The following TBL1XR1 variants were observed in gnomAD, a reference collection of about 807,000 sequenced individuals.
The protein encoded by TBL1XR1 is F-box-like/WD repeat-containing protein TBL1XR1.
TBL1XR1 carries 5 observed loss-of-function variants against 66.9 expected under a neutral mutation model. The ratio of observed to expected loss-of-function variants is 0.07; its 90% CI spans 0.04 to 0.16. TBL1XR1 has a LOEUF of 0.16. TBL1XR1 is among the 10% of genes least tolerant of loss of function. The probability of loss-of-function intolerance (pLI) is 1.00; values close to 1 mark genes in which losing one functional copy is unlikely to be tolerated. For synonymous variants in TBL1XR1, 210 were observed against 206.0 expected, an observed-to-expected ratio of 1.02 and a Z score of -0.17; for missense variants, 238 against 623.2, an observed-to-expected ratio of 0.38 and a Z score of 6.58.
chr3:177,060,689 C>A (rs1036571683), intron 3 of TBL1XR1, among the ~76,000 whole-genome samples: 1 of 152,128 alleles, frequency 6.6e-6, no homozygotes, highest in Non-Finnish European at 1.5e-5. Flanking sequence ...TCAATGGTGA[C>A]GCAAAAGGTG....
At chr3:177,074,926 T>G (rs1720500074) in intron 2 of TBL1XR1, among the ~76,000 whole-genome samples, 1 of 152,208 alleles carries the variant, frequency 6.6e-6, no homozygotes. Flanking sequence ...TAGGAATTTG[T>G]GGTTTATCCA....
At chr3:177,089,128 A>C (rs1373771721) in intron 2 of TBL1XR1, among the ~76,000 whole-genome samples, 1 of 152,208 alleles carries the variant, frequency 6.6e-6, no homozygotes, top group Non-Finnish European at 1.5e-5. Context: ...TTCTGAGAGA[A>C]GATATGTTAA....
chr3:177,061,699 G>C (rs1718532863), intron 3 of TBL1XR1, among the ~76,000 whole-genome samples: 2 of 152,128 alleles, frequency 1.3e-5, no homozygotes, highest in African/African-American at 2.4e-5. Context: ...TATTACTTTA[G>C]ATCTTTCAAG....
intron 2 of TBL1XR1, among the ~76,000 whole-genome samples, chr3:177,074,990 C>G (rs1720509326): frequency 6.6e-6 from 1 of 152,292 alleles, no homozygotes; most frequent in African/African-American, 2.4e-5. Flanking sequence ...CCAAAGACCA[C>G]AAAGTACTCT....
intron 2 of TBL1XR1, among the ~76,000 whole-genome samples, chr3:177,097,128 T>G (rs573673386): frequency 6.6e-6 from 1 of 152,340 alleles, no homozygotes; most frequent in East Asian, 1.9e-4. Context: ...TCTTAACCAC[T>G]TATTCTGGTT....
chr3:177,112,090 TATATA>T (rs1725661806), intron 1 of TBL1XR1, among the ~76,000 whole-genome samples: 2 of 52,386 alleles, frequency 3.8e-5, no homozygotes, highest in Non-Finnish European at 3.3e-5. Context: ...TATATATATA[TATATA>T]TATATATATA....
chr3:177,115,605 C>T (rs1042423151), intron 1 of TBL1XR1, among the ~76,000 whole-genome samples: 2 of 151,912 alleles, frequency 1.3e-5, no homozygotes, highest in Admixed American at 1.3e-4. Flanking sequence ...TCACACTATC[C>T]GTACGCCTCA....
intron 10 of TBL1XR1, among the ~76,000 whole-genome samples, chr3:177,044,302 T>A (rs1716018009): frequency 6.6e-6 from 1 of 152,180 alleles, no homozygotes; most frequent in African/African-American, 2.4e-5. Flanking sequence ...CAACCCCCTG[T>A]GCAGTTGGAA....
intron 1 of TBL1XR1, among the ~76,000 whole-genome samples, chr3:177,127,255 G>A (rs896877010): frequency 2.6e-5 from 4 of 152,028 alleles, no homozygotes; most frequent in African/African-American, 9.7e-5. Context: ...TTCTTTTATG[G>A]TATCTCTAAC....
chr3:177,200,985 C>T (rs938656206), upstream of TBL1XR1, among the ~76,000 whole-genome samples: 4 of 149,984 alleles, frequency 2.7e-5, no homozygotes, highest in East Asian at 2.0e-4. Flanking sequence ...CCAGCCTAGG[C>T]GACAGAGTGA....
intron 1 of TBL1XR1, among the ~76,000 whole-genome samples, chr3:177,110,232 C>A (rs1725386584): frequency 6.6e-6 from 1 of 152,184 alleles, no homozygotes; most frequent in African/African-American, 2.4e-5. Context: ...TTTTCAGACA[C>A]ACATTCTTAC....
chr3:177,027,535 G>C (rs371886016), intron 14 of TBL1XR1: 1 of 152,178 alleles, frequency 6.6e-6, no homozygotes, highest in African/African-American at 2.4e-5. Flanking sequence ...TATGCTTCAG[G>C]TGTTCGGCCC....
At chr3:177,050,333 C>T in intron 6 of TBL1XR1, 145 bp downstream of exon 6, 1 of 1,252,960 alleles carries the variant, frequency 8.0e-7, no homozygotes. Context: ...AAAAATTCTA[C>T]AATTACTTCA....
At chr3:177,025,605 T>C (rs965796545) in intron 15 of TBL1XR1, 81 bp from the exon 16 acceptor site, 64 of 1,357,986 alleles carry the variant, frequency 4.7e-5, no homozygotes, top group Non-Finnish European at 6.6e-5. Flanking sequence ...TAGTACAATT[T>C]GAAATGTTTC....
chr3:177,038,088 A>G lies in TBL1XR1; in HGVS notation c.1122+10T>C, dbSNP rs1468347106. On this transcript the variant is annotated intron_variant, in intron 12 of 15. Coordinates refer to ENST00000457928, the MANE Select transcript of TBL1XR1 (RefSeq NM_024665.7). ...ACCGCCAACCCATTTCTCCCTACTA[A>G]GCAAATTACCTTTAAAGTCATGTCG... The G allele has an allele frequency of 6.2e-7, 1 of 1,611,688 alleles. No homozygotes were observed. The highest frequency in any genetic ancestry group is 1.7e-5 in the Admixed American group (1 of 60,000).
intron 12 of TBL1XR1, among the ~76,000 whole-genome samples, chr3:177,035,275 TTTCTCAGTCACC>T (rs1412405768): frequency 1.3e-5 from 2 of 152,182 alleles, no homozygotes; most frequent in Middle Eastern, 3.2e-3. Flanking sequence ...CTTTTTCCAC[TTTCTCAGTCACC>T]TTCTCAGTTT....
chr3:177,195,656 TGAA>T (rs1250429850), intron 1 of TBL1XR1: 1 of 151,144 alleles, frequency 6.6e-6, no homozygotes, highest in African/African-American at 2.4e-5. Flanking sequence ...TCCAAACTGG[TGAA>T]GAAGCCTTTA....
chr3:177,199,742 C>T (rs1162725598), upstream of TBL1XR1, among the ~76,000 whole-genome samples: 1 of 152,148 alleles, frequency 6.6e-6, no homozygotes, highest in East Asian at 1.9e-4. Context: ...TTCTTATACC[C>T]TACACCAAGC....
At chr3:177,115,952 AGGG>A (rs1560193469) in intron 1 of TBL1XR1, among the ~76,000 whole-genome samples, 7 of 152,172 alleles carry the variant, frequency 4.6e-5, no homozygotes, top group African/African-American at 7.2e-5. Context: ...GAAGTCCGCT[AGGG>A]AAGGAATGAG....
Sources: allele counts gnomAD v4.1 joint callset (sites outside exome capture counted in the v4.1 genomes callset), GRCh38; gene constraint gnomAD v4.1.1; transcripts MANE v1.5; gene names NCBI Gene and HGNC (gene_info 2026-07-23, HGNC 2026-07-21).